The following CARM1 variants were observed in gnomAD, a reference collection of about 807,000 sequenced individuals.
The protein encoded by CARM1 is histone-arginine methyltransferase CARM1.
A neutral mutation model predicts 72.7 loss-of-function variants in CARM1; 14 were observed. The ratio of observed to expected loss-of-function variants is 0.19; its 90% confidence interval spans 0.13 to 0.30. The LOEUF is 0.30. Ranked by LOEUF, CARM1 falls within the 10% of genes least tolerant of loss-of-function variation. The probability of loss-of-function intolerance (pLI) is 1.00; values close to 1 mark genes in which losing one functional copy is unlikely to be tolerated. For missense variants in CARM1, 432 were observed against 833.7 expected, an observed-to-expected ratio of 0.52 and a Z score of 5.93; for synonymous variants, 333 against 345.5, an observed-to-expected ratio of 0.96 and a Z score of 0.40.
At chr19:10,886,384 G>A (rs1413638365) in intron 1 of CARM1, among the ~76,000 whole-genome samples, 1 of 151,820 alleles carries the variant, frequency 6.6e-6, no homozygotes, top group Non-Finnish European at 1.5e-5. Flanking sequence ...TTGTAGAGAC[G>A]GGGTCTCAAC....
At chr19:10,883,211 C>G (rs918262368) in intron 1 of CARM1, among the ~76,000 whole-genome samples, 1 of 152,096 alleles carries the variant, frequency 6.6e-6, no homozygotes, top group Non-Finnish European at 1.5e-5. Context: ...GAGGATTGGC[C>G]CACACCCAAC....
intron 1 of CARM1, among the ~76,000 whole-genome samples, chr19:10,901,855 C>A (rs984469949): frequency 3.9e-5 from 6 of 152,106 alleles, no homozygotes; most frequent in Admixed American, 2.0e-4. Flanking sequence ...GCATAAGAAT[C>A]GCTTGAACGC....
At chr19:10,913,747 C>T (rs376003834) in intron 5 of CARM1, 130 bp from the exon 6 acceptor site, 32 of 909,680 alleles carry the variant, frequency 3.5e-5, no homozygotes, top group South Asian at 3.2e-4. Context: ...ATGGTTGGGG[C>T]GCCAGCGAAG....
Position 10,900,363 on chromosome 19 carries a change from G to T in CARM1, c.221-4588G>T, listed in dbSNP as rs140368725. Among the ~76,000 whole-genome samples, 168 of 152,274 alleles carry T rather than the reference G, an allele frequency of 1.1e-3. 1 individual carries two copies. The East Asian group carries it at 0.028, about 26-fold the overall frequency. On this transcript the variant is annotated intron_variant, in intron 1 of 15. Transcript: ENST00000327064. ...AAGGAGACCCCACATCCATTAAGCA[G>T]TTGCTCCCCATTCCTGCCTTCTCCC...
chr19:10,920,080 GGGAGTGA>G lies in CARM1; in HGVS notation c.1196+116_1196+122del. The G allele has an allele frequency of 1.3e-6, 1 of 799,584 alleles. No individual in the cohort carries two copies. Among genetic ancestry groups the G allele is most frequent in the Non-Finnish European group, 2.1e-6 (1 of 470,930 alleles). The allele number at this position is 799,584 out of a possible 1,614,324, so 49.5% of individuals were successfully genotyped here. ...TCCAGGTTCCACCATCCCTTCCAATGGGAGTGAGAGCCTGTCTCGGAGCAAGAGACTG... is the reference window on the plus strand; with the variant it reads ...TCCAGGTTCCACCATCCCTTCCAATGGAGCCTGTCTCGGAGCAAGAGACTG... On this transcript the variant is annotated intron_variant, in intron 10 of 15. Transcript: ENST00000327064. This position sits in a 1 kb window ranked among gnomAD's most constrained non-coding sequence, Gnocchi z 5.3.
In CARM1 at chr19:10,871,986, G is replaced by T; in HGVS notation, c.220+64G>T. On this transcript the variant is annotated intron_variant, in intron 1 of 15. Coordinates refer to ENST00000327064, the MANE Select transcript of CARM1 (RefSeq NM_199141.2). The surrounding 1 kb of genome is among the most constrained non-coding windows in gnomAD (Gnocchi z 5.6). ...TGCTCACGAGGCCGGCCCGGGGCGGGGGCCGGCGGGGAGGGGCCCTGAGCG... is the reference window on the plus strand; with the variant it reads ...TGCTCACGAGGCCGGCCCGGGGCGGTGGCCGGCGGGGAGGGGCCCTGAGCG... 8.7e-7 allele frequency: 1 copy of T among 1,150,676 alleles called. No individual in the cohort carries two copies. The highest frequency in any genetic ancestry group is 4.3e-5 in the South Asian group (1 of 23,418). The allele number at this position is 1,150,676 out of a possible 1,614,324, so 71.3% of individuals were successfully genotyped here. A position where few individuals can be genotyped will look rare whatever the true frequency, so the allele number is the denominator to read the frequency against.
At chr19:10,879,134 C>T (rs1341384244) in intron 1 of CARM1, among the ~76,000 whole-genome samples, 1 of 152,110 alleles carries the variant, frequency 6.6e-6, no homozygotes, top group East Asian at 1.9e-4. Context: ...AGGTCTTGTC[C>T]TCAGGTTTCA....
chr19:10,885,803 G>T (rs1027357083), intron 1 of CARM1, among the ~76,000 whole-genome samples: 10 of 151,742 alleles, frequency 6.6e-5, no homozygotes, highest in African/African-American at 2.2e-4. Context: ...GGGATGCCTG[G>T]CTCTTACTCC....
At chr19:10,893,957 C>T (rs1170223776) in intron 1 of CARM1, among the ~76,000 whole-genome samples, 6 of 152,190 alleles carry the variant, frequency 3.9e-5, no homozygotes, top group Non-Finnish European at 2.9e-5. Flanking sequence ...CAGCCATCTC[C>T]CTGCTGGGTG....
intron 1 of CARM1, among the ~76,000 whole-genome samples, chr19:10,891,184 G>A (rs899708338): frequency 2.6e-5 from 4 of 152,060 alleles, no homozygotes; most frequent in African/African-American, 7.2e-5. Context: ...CAAGACTGGT[G>A]TTTTGTGCCA....
chr19:10,894,746 T>C (rs571520530), intron 1 of CARM1, among the ~76,000 whole-genome samples: 2 of 151,444 alleles, frequency 1.3e-5, no homozygotes, highest in Non-Finnish European at 2.9e-5. Flanking sequence ...TCTCTCTTTT[T>C]TTTTTTCTTC....
In CARM1 at chr19:10,919,695, A is replaced by G. The variant is rs2074224571; in HGVS notation, c.1106+15A>G. ...GATTTGCACAGGTACTGGCACCCACACTCCATCCTCCCAGGCCTGGCTCAG... is the reference window on the plus strand; with the variant it reads ...GATTTGCACAGGTACTGGCACCCACGCTCCATCCTCCCAGGCCTGGCTCAG... On this transcript the variant is annotated intron_variant, in intron 9 of 15. Transcript: ENST00000327064. The G allele has an allele frequency of 6.2e-7, 1 of 1,602,516 alleles. No individual in the cohort carries two copies. The highest frequency in any genetic ancestry group is 1.3e-5 in the African/African-American group (1 of 74,644).
chr19:10,921,014 T>C (rs1172171890), intron 13 of CARM1, 36 bp from the exon 14 acceptor site: 2 of 1,612,384 alleles, frequency 1.2e-6, no homozygotes, highest in Non-Finnish European at 1.7e-6. Flanking sequence ...CTGGCCCCTC[T>C]GCCTCCAGCC....
chr19:10,913,404 G>C (rs527579118), intron 5 of CARM1, among the ~76,000 whole-genome samples: 2 of 152,046 alleles, frequency 1.3e-5, no homozygotes, highest in East Asian at 3.9e-4. Context: ...CAGGCGTGGT[G>C]GTGGGTGCCT....
rs376726335 is a variant in CARM1 at position 10,921,639 on chromosome 19, G to C, written c.1709G>C (p.Gly570Ala). 1.9e-5 allele frequency: 30 copies of C among 1,613,256 alleles called. No individual in the cohort carries two copies. The highest frequency in any genetic ancestry group is 3.3e-4 in the Middle Eastern group (2 of 6,060). Reference sequence around the variant, plus strand: ...GGGTCCTCCGGCGCCCAGGGCAGTGGTGGTGGCAGCACGAGTGCCCACTAT... The same window carrying C: ...GGGTCCTCCGGCGCCCAGGGCAGTGCTGGTGGCAGCACGAGTGCCCACTAT... ...VQGSSGAQGS[G>A]GGSTSAHYAV... Residue 570 changes from glycine to alanine, a missense_variant, in exon 16 of 16, where the codon GGT becomes GCT. Physicochemically the swap from Gly to Ala is moderately conservative, Grantham distance 60. Coordinates refer to ENST00000327064, the MANE Select transcript of CARM1 (RefSeq NM_199141.2).
In CARM1 at chr19:10,871,750, G is replaced by T. The variant is rs1355698556; in HGVS notation, c.48G>T (p.Gly16=). 9.3e-7 allele frequency: 1 copy of T among 1,078,586 alleles called. No individual in the cohort carries two copies. The highest frequency in any genetic ancestry group is 1.1e-6 in the Non-Finnish European group (1 of 890,570). The allele number at this position is 1,078,586 out of a possible 1,614,324, so 66.8% of individuals were successfully genotyped here. A position where few individuals can be genotyped will look rare whatever the true frequency, so the allele number is the denominator to read the frequency against. ...TGGGGCCGGGCGCGGGCGGCGCGGG[G>T]TCGGCGGTCCCGGGCGGCGCGGGGC... ...AAVGPGAGGA[G]SAVPGGAGPC... is the part of the protein sequence containing the mutation. Residue 16 remains glycine (G), a synonymous_variant, in exon 1 of 16, where the codon GGG becomes GGT. Transcript: ENST00000327064. This position sits in a 1 kb window ranked among gnomAD's most constrained non-coding sequence, Gnocchi z 5.6.
intron 1 of CARM1, among the ~76,000 whole-genome samples, chr19:10,900,471 G>A (rs2074055707): frequency 6.6e-6 from 1 of 152,090 alleles, no homozygotes; most frequent in Non-Finnish European, 1.5e-5. Context: ...TCGGCATGAT[G>A]TTTCTGCTAT....
At chr19:10,903,581 A>AAT (rs1555726429) in intron 1 of CARM1, among the ~76,000 whole-genome samples, 2,501 of 148,828 alleles carry the variant, frequency 0.017, 80 homozygotes, top group African/African-American at 0.059. Context: ...TTTTTTTTTA[A>AAT]TAGGATCTCA....
At chr19:10,898,343 A>G (rs897355610) in intron 1 of CARM1, among the ~76,000 whole-genome samples, 10 of 150,660 alleles carry the variant, frequency 6.6e-5, no homozygotes, top group South Asian at 4.2e-4. Context: ...CCTGGCCTCA[A>G]TTGGCCTGAA....
Sources: gnomAD v4.1 joint callset for allele counts (sites outside exome capture counted in the v4.1 genomes callset) on GRCh38, gnomAD v4.1.1 for gene constraint, Gnocchi (gnomAD v3.1) non-coding constraint, MANE v1.5 for transcripts, NCBI Gene and HGNC (gene_info 2026-07-23, HGNC 2026-07-21) for gene names.